HK1: variants seen among roughly 807,000 people sequenced by gnomAD.
HK1 encodes the protein hexokinase 1, also known as hexokinase-1.
In HK1, 28 loss-of-function variants were observed where a neutral mutation model predicts 91.6. That is an observed-to-expected ratio of 0.31 (90% confidence interval 0.23 to 0.42). The LOEUF (loss-of-function observed/expected upper bound fraction) is 0.42, where lower values mean the gene tolerates loss of function less well. HK1 is among the 10% of genes least tolerant of loss of function. The pLI, the probability that HK1 is intolerant of heterozygous loss-of-function variation, is 1.00. For synonymous variants in HK1, 430 were observed against 468.1 expected (o/e 0.92, Z 1.05); for missense variants, 770 against 1,219.8 (o/e 0.63, Z 5.49).
At position 69,327,124 on chromosome 10, in the gene HK1, C is replaced by A. The variant is rs1461210890; in HGVS notation, c.63+8114C>A. Among the ~76,000 whole-genome samples the A allele has an allele frequency of 2.0e-5, 3 of 151,238 alleles. No individual in the cohort carries two copies. In the East Asian group the frequency reaches 5.9e-4, roughly 29 times the overall value. ...GGTTCAAGCAATCCTCCTGCCTCAG[C>A]CTCCTGAGTAGCTGAGATCATACCT... On this transcript the variant is annotated intron_variant, in intron 1 of 17. Transcript: ENST00000359426.
At chr10:69,314,913 A>G (rs1210107617), upstream of HK1, among the ~76,000 whole-genome samples, 2 of 151,812 alleles carry the variant, frequency 1.3e-5, no homozygotes, top group Admixed American at 1.3e-4. Flanking sequence ...TGATCCTCCC[A>G]CCTCAGCCTC....
intron 1 of HK1, among the ~76,000 whole-genome samples, chr10:69,339,836 C>T (rs1848203451): frequency 6.6e-6 from 1 of 152,170 alleles, no homozygotes. Flanking sequence ...TATGGAGGAG[C>T]CTTAGACTTG....
chr10:69,336,928 A>C (rs916174757), intron 1 of HK1, among the ~76,000 whole-genome samples: 1 of 152,080 alleles, frequency 6.6e-6, no homozygotes, highest in African/African-American at 2.4e-5. Flanking sequence ...TACAAGCGTG[A>C]GCCACCGTGC....
Position 69,276,118 on chromosome 10 carries a change from A to AAAATATATATATATATATATATAT in HK1, c.-391+6011_-391+6012insAATATATATATATATATATATATA. Reference sequence around the variant, plus strand: ...AAAAAAAAAAAAAAAAAAAAAAAAAAATACATATATATATATATATACACA... The same window carrying AAAATATATATATATATATATATAT: ...AAAAAAAAAAAAAAAAAAAAAAAAAAAAATATATATATATATATATATATATACATATATATATATATATACACA... On this transcript the variant is annotated intron_variant, in intron 1 of 21. Coordinates refer to the HK1 transcript ENST00000360289. Among the ~76,000 whole-genome samples the AAAATATATATATATATATATATAT allele has an allele frequency of 5.2e-5, 2 of 38,272 alleles. 1 individual carries two copies. Among genetic ancestry groups the AAAATATATATATATATATATATAT allele is most frequent in the African/African-American group, 1.5e-4 (2 of 13,318 alleles). 25.1% of individuals were successfully genotyped at this position (38,272 alleles called of 152,430 possible).
chr10:69,382,883 C>A, intron 10 of HK1, 92 bp downstream of exon 10: 1 of 1,237,414 alleles, frequency 8.1e-7, no homozygotes, highest in Non-Finnish European at 1.2e-6. Context: ...TGGATGCCTT[C>A]ACACTGGTGA....
intron 1 of HK1, among the ~76,000 whole-genome samples, chr10:69,342,667 G>T (rs1177304786): frequency 6.6e-6 from 1 of 152,182 alleles, no homozygotes; most frequent in Non-Finnish European, 1.5e-5. Context: ...GGCTGATGCT[G>T]CAGTGGTGTA....
intron 3 of HK1, among the ~76,000 whole-genome samples, chr10:69,293,414 T>C (rs915180836): frequency 2.0e-5 from 3 of 152,226 alleles, no homozygotes; most frequent in African/African-American, 7.2e-5. Context: ...TTTTTGGAGA[T>C]ACTGGAGGAG....
At chr10:69,309,852 G>A (rs1469895817) in intron 5 of HK1, among the ~76,000 whole-genome samples, 2 of 150,646 alleles carry the variant, frequency 1.3e-5, no homozygotes, top group East Asian at 4.0e-4. Flanking sequence ...TTTGAGACTA[G>A]CCTGACCAAC....
chr10:69,361,932 C>T (rs1302962394), intron 3 of HK1, among the ~76,000 whole-genome samples: 3 of 152,192 alleles, frequency 2.0e-5, no homozygotes, highest in Admixed American at 1.3e-4. Context: ...ATTCTCCTGC[C>T]TCAGCCTCCC....
intron 5 of HK1, among the ~76,000 whole-genome samples, chr10:69,309,618 G>T (rs563623777): frequency 4.7e-5 from 7 of 147,814 alleles, no homozygotes; most frequent in African/African-American, 1.5e-4. Context: ...TGGCTGACAC[G>T]GTGAAACCCC....
At chr10:69,365,438 G>T (rs1849652227) in intron 4 of HK1, among the ~76,000 whole-genome samples, 1 of 152,144 alleles carries the variant, frequency 6.6e-6, no homozygotes, top group Admixed American at 6.5e-5. Flanking sequence ...CATTCATTCA[G>T]CAAGGATGGA....
intron 7 of HK1, among the ~76,000 whole-genome samples, chr10:69,373,592 T>C (rs1376246576): frequency 2.0e-5 from 3 of 151,730 alleles, no homozygotes; most frequent in Non-Finnish European, 4.4e-5. Context: ...CCTTGAGGTT[T>C]TTTTTTTTTT....
At chr10:69,305,835 AGAGT>A (rs1457817903) in intron 5 of HK1, among the ~76,000 whole-genome samples, 1 of 151,596 alleles carries the variant, frequency 6.6e-6, no homozygotes, top group African/African-American at 2.4e-5. Context: ...CCTGGGCGAC[AGAGT>A]GAGACTCTGT....
chr10:69,300,760 T>A (rs1471889672), intron 4 of HK1: 14 of 1,534,042 alleles, frequency 9.1e-6, no homozygotes, highest in Non-Finnish European at 1.3e-5. Flanking sequence ...TGTTTGTCTC[T>A]CTTTTCAGCA....
At chr10:69,336,089 A>G (rs926416184) in intron 1 of HK1, among the ~76,000 whole-genome samples, 1 of 152,228 alleles carries the variant, frequency 6.6e-6, no homozygotes, top group Admixed American at 6.5e-5. Context: ...AAGCAGGGAT[A>G]TCTCTGGGGA....
chr10:69,337,478 C>T (rs1848048457), intron 1 of HK1, among the ~76,000 whole-genome samples: 1 of 152,178 alleles, frequency 6.6e-6, no homozygotes, highest in African/African-American at 2.4e-5. Context: ...CTACACAGTT[C>T]AAATGGGATA....
intron 2 of HK1, among the ~76,000 whole-genome samples, chr10:69,357,746 C>G (rs1849204031): frequency 6.6e-6 from 1 of 152,052 alleles, no homozygotes; most frequent in African/African-American, 2.4e-5. Context: ...AGCCACCGCA[C>G]CTGGCCACTG....
Position 69,358,723 on chromosome 10 carries a change from C to T in HK1, c.227-1174C>T, listed in dbSNP as rs569106990. On this transcript the variant is annotated intron_variant, in intron 2 of 17. Coordinates refer to ENST00000359426, the MANE Select transcript of HK1 (RefSeq NM_000188.3). ...CTAAAAATAAAAAAAATTAGCCAGG[C>T]ATGCTGGCGGATGCCTGTAATCCCA... 3.3e-5 allele frequency among the ~76,000 whole-genome samples: 5 copies of T among 152,242 alleles called. 1 individual carries two copies. Among genetic ancestry groups the T allele is most frequent in the Admixed American group, 3.3e-4 (5 of 15,282 alleles).
chr10:69,352,184 G>T (rs544498083), intron 2 of HK1, among the ~76,000 whole-genome samples: 9 of 152,048 alleles, frequency 5.9e-5, no homozygotes, highest in African/African-American at 1.9e-4. Context: ...GTAGAGACAG[G>T]GTTTCTCCAT....
Sources: gnomAD v4.1 joint callset for allele counts (sites outside exome capture counted in the v4.1 genomes callset) on GRCh38, gnomAD v4.1.1 for gene constraint, MANE v1.5 for transcripts, NCBI Gene and HGNC (gene_info 2026-07-23, HGNC 2026-07-21) for gene names.